The following CDC14B variants were observed in gnomAD, a reference collection of about 807,000 sequenced individuals.
CDC14B encodes the protein dual specificity protein phosphatase CDC14B.
A neutral mutation model predicts 64.2 loss-of-function variants in CDC14B; 22 were observed. The observed-to-expected ratio is 0.34, with a 90% CI of 0.24 to 0.49. The LOEUF is 0.49. CDC14B is among the 20% of genes least tolerant of loss of function. The pLI is 0.99. For synonymous variants in CDC14B, 191 were observed against 215.8 expected, an observed-to-expected ratio of 0.89 and a Z score of 1.01; for missense variants, 498 against 629.9, an observed-to-expected ratio of 0.79 and a Z score of 2.24.
intron 4 of CDC14B, 40 bp downstream of exon 4, chr9:96,562,653 T>A (rs984304070): frequency 8.0e-7 from 1 of 1,244,010 alleles, no homozygotes; most frequent in East Asian, 2.3e-5. Flanking sequence ...ACCACTGTTG[T>A]GTGCATTTTT....
chr9:96,562,299 G>A (rs1161005671), intron 4 of CDC14B, among the ~76,000 whole-genome samples: 1 of 152,164 alleles, frequency 6.6e-6, no homozygotes, highest in East Asian at 1.9e-4. Context: ...AAAATTAATA[G>A]TGGGGTCCTG....
chr9:96,512,685 T>C (rs542482847), intron 12 of CDC14B, among the ~76,000 whole-genome samples: 15 of 152,318 alleles, frequency 9.8e-5, no homozygotes, highest in Admixed American at 5.9e-4. Context: ...TGCTAAGAAT[T>C]TGAATATAGA....
intron 1 of CDC14B, among the ~76,000 whole-genome samples, chr9:96,612,270 T>C (rs1284280767): frequency 1.3e-5 from 2 of 152,232 alleles, no homozygotes; most frequent in African/African-American, 4.8e-5. Flanking sequence ...GCTGATTCAC[T>C]GAACCTTTTG....
chr9:96,549,745 C>G (rs533678662), intron 5 of CDC14B, among the ~76,000 whole-genome samples: 4 of 152,136 alleles, frequency 2.6e-5, no homozygotes, highest in Non-Finnish European at 5.9e-5. Flanking sequence ...TTCCACAAAG[C>G]TGAATGGTTT....
At chr9:96,538,562 T>C (rs904523288) in intron 7 of CDC14B, 1 of 152,142 alleles carries the variant, frequency 6.6e-6, no homozygotes, top group Admixed American at 6.6e-5. Context: ...TCTACAAAAA[T>C]AAAAATTAAA....
chr9:96,555,390 G>A (rs1842377017), intron 4 of CDC14B, among the ~76,000 whole-genome samples: 1 of 152,186 alleles, frequency 6.6e-6, no homozygotes, highest in South Asian at 2.1e-4. Flanking sequence ...GTATGTGACT[G>A]AGCCCCCTTA....
At chr9:96,618,232 A>G (rs1847760194) in intron 1 of CDC14B, among the ~76,000 whole-genome samples, 1 of 152,196 alleles carries the variant, frequency 6.6e-6, no homozygotes, top group Admixed American at 6.5e-5. Context: ...ATCAAAGGCT[A>G]GGGGCTGGAA....
chr9:96,545,711 CTTT>C (rs59702080), intron 5 of CDC14B, among the ~76,000 whole-genome samples: 12 of 142,510 alleles, frequency 8.4e-5, no homozygotes, highest in African/African-American at 3.0e-4. Context: ...TTCTTCAATG[CTTT>C]TTTTTTTTTT....
intron 1 of CDC14B, chr9:96,566,891 C>G: frequency 6.4e-7 from 1 of 1,553,506 alleles, no homozygotes; most frequent in Middle Eastern, 1.7e-4. Flanking sequence ...CGCGACCACA[C>G]CCCCGAAGTT....
At chr9:96,567,877 A>T (rs1437858567) in intron 1 of CDC14B, among the ~76,000 whole-genome samples, 1 of 152,234 alleles carries the variant, frequency 6.6e-6, no homozygotes, top group Non-Finnish European at 1.5e-5. Flanking sequence ...CCCATTCTCC[A>T]TGATGTGATT....
chr9:96,619,420 C>T lies in CDC14B; in HGVS notation c.-42G>A, dbSNP rs1456595880. ...CGTCAGGGGGCCACGACCATGGCCC[C>T]GCGCGCCCGCGCGCCCGCCGAGGCT... On this transcript the variant is annotated 5_prime_UTR_variant, in exon 1 of 14. Coordinates refer to ENST00000375241, the MANE Select transcript of CDC14B (RefSeq NM_033331.4). 2.8e-6 allele frequency: 3 copies of T among 1,085,062 alleles called. No homozygotes were observed. The highest frequency in any genetic ancestry group is 1.0e-4 in the East Asian group (2 of 19,224). 67.2% of individuals were successfully genotyped at this position (1,085,062 alleles called of 1,614,324 possible).
intron 1 of CDC14B, among the ~76,000 whole-genome samples, chr9:96,577,148 G>A (rs1417111364): frequency 6.6e-6 from 1 of 151,798 alleles, no homozygotes; most frequent in South Asian, 2.1e-4. Flanking sequence ...TTTCTCGGGA[G>A]TCTGAGGCAG....
chr9:96,503,898 T>A, intron 13 of CDC14B, 109 bp from the exon 14 acceptor site: 1 of 807,244 alleles, frequency 1.2e-6, no homozygotes, highest in Non-Finnish European at 2.1e-6. Context: ...TGCTAAAAAG[T>A]ATACGCTTGC....
chr9:96,564,065 A>T (rs1023929599), intron 3 of CDC14B, among the ~76,000 whole-genome samples: 5 of 150,662 alleles, frequency 3.3e-5, no homozygotes, highest in Non-Finnish European at 7.4e-5. Flanking sequence ...ATTCAATTAA[A>T]TTTTTTTTTT....
chr9:96,531,095 C>T (rs1564260485), intron 9 of CDC14B, among the ~76,000 whole-genome samples: 2 of 152,162 alleles, frequency 1.3e-5, no homozygotes, highest in Non-Finnish European at 2.9e-5. Context: ...GTAAGGGATA[C>T]TGGCCTATAG....
At chr9:96,493,608 T>C (rs1380480405) in intron 13 of CDC14B, among the ~76,000 whole-genome samples, 1 of 152,172 alleles carries the variant, frequency 6.6e-6, no homozygotes, top group African/African-American at 2.4e-5. Flanking sequence ...GGTGGGAGGA[T>C]TGCTTGAGGC....
intron 1 of CDC14B, among the ~76,000 whole-genome samples, chr9:96,590,289 G>A (rs552020959): frequency 1.3e-5 from 2 of 152,272 alleles, no homozygotes; most frequent in African/African-American, 4.8e-5. Context: ...ATGCCCTGAA[G>A]CTTCATCCAT....
At position 96,567,187 on chromosome 9, in the gene CDC14B, G is replaced by T. The variant is rs1844125673; in HGVS notation, c.161-1704C>A. The T allele has an allele frequency of 1.3e-5, 4 of 304,614 alleles. No individual in the cohort carries two copies. The Admixed American group carries it at 1.8e-4, about 14-fold the overall frequency. 18.9% of individuals were successfully genotyped at this position (304,614 alleles called of 1,614,324 possible). A position where few individuals can be genotyped will look rare whatever the true frequency, so the allele number is the denominator to read the frequency against. ...TCCGCAGAGGGGACATGCGTCAGAG[G>T]CCAGCGGGCCTGCAGAGGGAAGAGT... On this transcript the variant is annotated intron_variant, in intron 1 of 13. Coordinates refer to ENST00000375241, the MANE Select transcript of CDC14B (RefSeq NM_033331.4).
intron 4 of CDC14B, among the ~76,000 whole-genome samples, chr9:96,555,733 C>T (rs1842421704): frequency 1.3e-5 from 2 of 152,210 alleles, no homozygotes; most frequent in Non-Finnish European, 2.9e-5. Flanking sequence ...CACACAAACA[C>T]ACGCAAATAC....
Sources: gnomAD v4.1 joint callset for allele counts (sites outside exome capture counted in the v4.1 genomes callset) on GRCh38, gnomAD v4.1.1 for gene constraint, MANE v1.5 for transcripts, NCBI Gene and HGNC (gene_info 2026-07-23, HGNC 2026-07-21) for gene names.